KNSTRN: variants seen among roughly 807,000 people sequenced by gnomAD.
The protein encoded by KNSTRN is kinetochore localized astrin (SPAG5) binding protein, also known as small kinetochore-associated protein.
In KNSTRN, 38 loss-of-function variants were observed where a neutral mutation model predicts 44.7. The ratio of observed to expected loss-of-function variants is 0.85; its 90% CI spans 0.66 to 1.11. KNSTRN has a LOEUF of 1.11. Ranked by LOEUF, KNSTRN falls within the 50% of genes most tolerant of loss-of-function variation. The probability of loss-of-function intolerance (pLI) is 0.00; values close to 1 mark genes in which losing one functional copy is unlikely to be tolerated. For missense variants in KNSTRN, 406 were observed against 375.8 expected (o/e 1.08, Z -0.66); for synonymous variants, 158 against 148.1 (o/e 1.07, Z -0.48).
intron 4 of KNSTRN, chr15:40,389,205 A>G (rs1003227972): frequency 6.3e-6 from 3 of 473,448 alleles, no homozygotes; most frequent in Admixed American, 2.3e-5. Flanking sequence ...CTGGAGTGCA[A>G]TGGCGCAATC....
intron 8 of KNSTRN, chr15:40,393,104 G>A (rs949276892): frequency 5.8e-6 from 8 of 1,378,018 alleles, no homozygotes; most frequent in Non-Finnish European, 8.2e-6. Context: ...TGGGAATTGA[G>A]AACTATATGT....
At chr15:40,393,019 G>A (rs934854129) in intron 8 of KNSTRN, among the ~76,000 whole-genome samples, 2 of 148,442 alleles carry the variant, frequency 1.3e-5, no homozygotes, top group African/African-American at 5.0e-5. Flanking sequence ...TTTTTTTTCT[G>A]TTACCGAGGC....
intron 3 of KNSTRN, chr15:40,386,919 G>A (rs1242099345): frequency 1.7e-6 from 1 of 574,792 alleles, no homozygotes; most frequent in Non-Finnish European, 3.1e-6. Context: ...CATCTTGAGA[G>A]GAACAGCTCT....
chr15:40,392,021 C>T lies in KNSTRN; in HGVS notation c.820C>T (p.Gln274Ter), dbSNP rs1344458269. Residue 274 changes from glutamine to a stop codon, truncating the protein, a stop_gained and splice_region_variant, in exon 8 of 9, where the codon CAG becomes TAG. Coordinates refer to ENST00000249776, the MANE Select transcript of KNSTRN (RefSeq NM_033286.4). LOFTEE classifies it high-confidence loss of function. ...AGCCAAAAAGCAGATGGAGGAGTTA[C>T]AGGTGAGAGGCAGACATCACCCTGA... Reference protein sequence around the residue: ...ETAKKQMEELQALKVKLEMKE... With the variant: ...ETAKKQMEEL The T allele has an allele frequency of 6.2e-7, 1 of 1,608,300 alleles. No homozygotes were observed. The highest frequency in any genetic ancestry group is 1.3e-5 in the African/African-American group (1 of 74,668).
At chr15:40,387,267 T>G in intron 4 of KNSTRN, 61 bp downstream of exon 4, 1 of 1,297,778 alleles carries the variant, frequency 7.7e-7, no homozygotes, top group Non-Finnish European at 1.1e-6. Flanking sequence ...CAATCCTTGG[T>G]TCTGCATCAG....
chr15:40,389,329 T>G, intron 4 of KNSTRN, 177 bp from the exon 5 acceptor site: 1 of 561,936 alleles, frequency 1.8e-6, no homozygotes, highest in Non-Finnish European at 3.2e-6. Flanking sequence ...TTTGTAATTT[T>G]AGTAGAGACA....
At chr15:40,387,138 T>C in intron 3 of KNSTRN, 21 bp from the exon 4 acceptor site, 1 of 1,592,250 alleles carries the variant, frequency 6.3e-7, no homozygotes, top group Non-Finnish European at 8.6e-7. Context: ...CTGATTCATT[T>C]CTTTGTTTCT....
Position 40,383,251 on chromosome 15 carries a change from C to T in KNSTRN, c.233C>T (p.Thr78Met), listed in dbSNP as rs776128346. 15 of 1,614,108 alleles carry T rather than the reference C, an allele frequency of 9.3e-6. No individual in the cohort carries two copies. In the East Asian group the frequency reaches 1.3e-4, roughly 14 times the overall value. Residue 78 changes from threonine to methionine, a missense_variant, in exon 2 of 9, where the codon ACG becomes ATG. Physicochemically the swap from Thr to Met is moderately conservative, Grantham distance 81. Transcript: ENST00000249776. ...APGVQPCRLV[T>M]MTSVVKTVYS... ...AGGGTTCAGCCGTGCCGCCTCGTTA[C>T]GATGACCAGTGTGGTTAAGACAGTG...
intron 2 of KNSTRN, among the ~76,000 whole-genome samples, chr15:40,385,808 C>T (rs541821480): frequency 1.3e-5 from 2 of 152,340 alleles, no homozygotes; most frequent in Admixed American, 1.3e-4. Context: ...TTCACTTTTA[C>T]AGCCTACACC....
chr15:40,388,103 C>T (rs1014645809), intron 4 of KNSTRN, among the ~76,000 whole-genome samples: 4 of 152,228 alleles, frequency 2.6e-5, no homozygotes, highest in South Asian at 2.1e-4. Flanking sequence ...CCAGCTTGGT[C>T]GGGGAGACCC....
chr15:40,391,156 G>A (rs1464265179), intron 6 of KNSTRN, among the ~76,000 whole-genome samples: 2 of 152,070 alleles, frequency 1.3e-5, no homozygotes, highest in East Asian at 1.9e-4. Flanking sequence ...TTTAAGGCCT[G>A]AAAGGCTCTT....
chr15:40,386,204 G>A (rs558423843), intron 2 of KNSTRN, among the ~76,000 whole-genome samples, 158 bp from the exon 3 acceptor site: 29 of 152,272 alleles, frequency 1.9e-4, no homozygotes, highest in African/African-American at 6.3e-4. Flanking sequence ...TCCAGCCTGG[G>A]CCACAGAGCA....
chr15:40,390,318 C>G (rs1260420593), intron 6 of KNSTRN, among the ~76,000 whole-genome samples: 1 of 152,232 alleles, frequency 6.6e-6, no homozygotes, highest in African/African-American at 2.4e-5. Context: ...CTCTTCCTTT[C>G]AAGCATACTA....
At chr15:40,386,113 G>A (rs935287044) in intron 2 of KNSTRN, among the ~76,000 whole-genome samples, 3 of 152,164 alleles carry the variant, frequency 2.0e-5, no homozygotes, top group Non-Finnish European at 4.4e-5. Context: ...CTATAGTCCA[G>A]CTACTCGGGA....
chr15:40,383,173 A>T, intron 1 of KNSTRN, 55 bp from the exon 2 acceptor site: 1 of 1,589,642 alleles, frequency 6.3e-7, no homozygotes, highest in Non-Finnish European at 8.6e-7. Context: ...CGGGCCCTCC[A>T]CTCTCTCGGG....
At chr15:40,385,773 C>T (rs186664835) in intron 2 of KNSTRN, among the ~76,000 whole-genome samples, 3 of 152,336 alleles carry the variant, frequency 2.0e-5, no homozygotes, top group African/African-American at 7.2e-5. Context: ...TTCCACCCTG[C>T]TCTCTGCTGG....
chr15:40,388,765 C>T (rs1220373588), intron 4 of KNSTRN, among the ~76,000 whole-genome samples: 5 of 152,080 alleles, frequency 3.3e-5, no homozygotes, highest in Non-Finnish European at 5.9e-5. Flanking sequence ...CCCTCATTCC[C>T]GTAAACCCAC....
At chr15:40,386,282 C>T (rs564108439) in intron 2 of KNSTRN, 80 bp from the exon 3 acceptor site, 15 of 1,374,418 alleles carry the variant, frequency 1.1e-5, no homozygotes, top group Admixed American at 2.3e-5. Context: ...ATGACAACTT[C>T]GAATGGGGCT....
rs1430294778 is a variant in KNSTRN, at chr15:40,391,507, A to G, written c.700A>G (p.Thr234Ala). The G allele has an allele frequency of 1.2e-6, 2 of 1,613,766 alleles. No homozygotes were observed. The highest frequency in any genetic ancestry group is 1.7e-6 in the Non-Finnish European group (2 of 1,179,848). The change falls in exon 7 of 9, where the codon ACC becomes GCC. Residue 234 changes from threonine (T) to alanine (A), a missense_variant. Thr to Ala is a moderately conservative substitution (Grantham distance 58, BLOSUM62 0). Coordinates refer to ENST00000249776, the MANE Select transcript of KNSTRN (RefSeq NM_033286.4). ...KGLDPALGSE[T>A]LASRQESTTD... ...GTATCCATCAGCTTTAGGCAGTGAG[A>G]CCCTGGCATCACGACAAGAATCCAC...
Sources: allele counts gnomAD v4.1 joint callset (sites outside exome capture counted in the v4.1 genomes callset), GRCh38; gene constraint gnomAD v4.1.1; transcripts MANE v1.5; gene names NCBI Gene and HGNC (gene_info 2026-07-23, HGNC 2026-07-21).